The following MBD3L1 variants were observed in gnomAD, a reference collection of about 807,000 sequenced individuals.
MBD3L1 encodes methyl-CpG-binding domain protein 3-like 1.
For missense variants in MBD3L1, 203 were observed against 230.1 expected, an observed-to-expected ratio of 0.88 and a Z score of 0.76; for synonymous variants, 84 against 85.1, an observed-to-expected ratio of 0.99 and a Z score of 0.07.
At chr19:8,833,999 CAAAACAA>C (rs2145336346) in intron 1 of MBD3L1, among the ~76,000 whole-genome samples, 1 of 151,570 alleles carries the variant, frequency 6.6e-6, no homozygotes, top group Admixed American at 6.6e-5. Flanking sequence ...AAAAACAAAA[CAAAACAA>C]AAACCAAAAA....
intron 1 of MBD3L1, among the ~76,000 whole-genome samples, chr19:8,836,430 C>T (rs963102867): frequency 6.6e-6 from 1 of 150,438 alleles, no homozygotes; most frequent in African/African-American, 2.5e-5. Context: ...TTCTTCTTTC[C>T]TCCTCCTCCT....
chr19:8,839,807 AG>A (rs1486399518), intron 1 of MBD3L1, among the ~76,000 whole-genome samples: 1 of 152,082 alleles, frequency 6.6e-6, no homozygotes, highest in Non-Finnish European at 1.5e-5. Context: ...GTGGTGAAGG[AG>A]GGGGTCCCAG....
At chr19:8,833,016 T>C in intron 1 of MBD3L1, 1 of 151,626 alleles carries the variant, frequency 6.6e-6, no homozygotes, top group Admixed American at 6.6e-5. Flanking sequence ...CGGAGACCAG[T>C]TCTGGGGGCG....
Position 8,843,204 on chromosome 19 carries a change from G to A in MBD3L1, c.526G>A (p.Gly176Arg), listed in dbSNP as rs753010967. Residue 176 changes from glycine to arginine, a missense_variant, in exon 3 of 3, where the codon GGA (glycine) becomes AGA (arginine). By Grantham distance (125) the Gly-to-Arg change is moderately radical. Coordinates refer to ENST00000595891, the MANE Select transcript of MBD3L1 (RefSeq NM_001393532.1). Reference protein sequence around the residue: ...ERLAIALIADGLANEAEKVRD... With the variant: ...ERLAIALIADRLANEAEKVRD... ...ACTCGCAATAGCACTGATTGCGGATGGACTCGCTAATGAGGCAGAGAAAGT... is the reference window on the plus strand; with the variant it reads ...ACTCGCAATAGCACTGATTGCGGATAGACTCGCTAATGAGGCAGAGAAAGT... The A allele has an allele frequency of 1.9e-5, 31 of 1,611,990 alleles. No homozygotes were observed. Among genetic ancestry groups the A allele is most frequent in the Middle Eastern group, 3.3e-4 (2 of 6,040 alleles).
chr19:8,836,630 T>C (rs556119551), intron 1 of MBD3L1, among the ~76,000 whole-genome samples: 27 of 152,264 alleles, frequency 1.8e-4, no homozygotes, highest in African/African-American at 6.5e-4. Flanking sequence ...TAGCTGGGAC[T>C]GCAGGCGTGC....
intron 1 of MBD3L1, among the ~76,000 whole-genome samples, chr19:8,837,030 A>G (rs1599309353): frequency 1.3e-5 from 2 of 152,270 alleles, no homozygotes; most frequent in South Asian, 2.1e-4. Context: ...GCAAAGAGGC[A>G]TAAATTAAAA....
chr19:8,834,481 G>A (rs1310830154), intron 1 of MBD3L1, among the ~76,000 whole-genome samples: 4 of 151,730 alleles, frequency 2.6e-5, no homozygotes, highest in East Asian at 1.9e-4. Flanking sequence ...GGTGGCGGGC[G>A]CCTATAGTCC....
At position 8,843,218 on chromosome 19, in the gene MBD3L1, G is replaced by C. The variant is rs147103131; in HGVS notation, c.540G>C (p.Glu180Asp). ...IALIADGLAN[E>D]AEKVRDQEGR... Reference sequence around the variant, plus strand: ...TGATTGCGGATGGACTCGCTAATGAGGCAGAGAAAGTGAGAGACCAAGAAG... The same window carrying C: ...TGATTGCGGATGGACTCGCTAATGACGCAGAGAAAGTGAGAGACCAAGAAG... The change falls in exon 3 of 3, where the codon GAG (glutamate) becomes GAC (aspartate). Residue 180 changes from glutamate to aspartate, a missense_variant. Coordinates refer to ENST00000595891, the MANE Select transcript of MBD3L1 (RefSeq NM_001393532.1). 1.2e-6 allele frequency: 2 copies of C among 1,608,444 alleles called. No homozygotes were observed. Among genetic ancestry groups the C allele is most frequent in the African/African-American group, 2.7e-5 (2 of 74,722 alleles).
intron 1 of MBD3L1, among the ~76,000 whole-genome samples, chr19:8,834,866 T>C (rs1568482857): frequency 1.3e-5 from 2 of 152,092 alleles, no homozygotes; most frequent in Non-Finnish European, 2.9e-5. Flanking sequence ...AGAAAAAATA[T>C]ATAAATTGGA....
chr19:8,843,240 G>A lies in MBD3L1; in HGVS notation c.562G>A (p.Glu188Lys), dbSNP rs774842647. 1 of 1,593,100 alleles carries A rather than the reference G, an allele frequency of 6.3e-7. No homozygotes were observed. Among genetic ancestry groups the A allele is most frequent in the Non-Finnish European group, 8.5e-7 (1 of 1,170,794 alleles). ...ANEAEKVRDQ[E>K]GRPEKR ...TGAGGCAGAGAAAGTGAGAGACCAA[G>A]AAGGCCGTCCTGAAAAACGCTAAGA... The change falls in exon 3 of 3, where the codon GAA becomes AAA. Residue 188 changes from glutamate to lysine, a missense_variant. By Grantham distance (56) the Glu-to-Lys change is moderately conservative. Transcript: ENST00000595891.
chr19:8,840,085 G>A (rs2145353346), intron 1 of MBD3L1, among the ~76,000 whole-genome samples: 1 of 151,686 alleles, frequency 6.6e-6, no homozygotes, highest in Admixed American at 6.6e-5. Context: ...TTGGGAGGCT[G>A]AGGCAAGATA....
At position 8,842,654 on chromosome 19, in the gene MBD3L1, A is replaced by G; in HGVS notation, c.-21-4A>G. On this transcript the variant is annotated splice_region_variant and splice_polypyrimidine_tract_variant and intron_variant, in intron 2 of 2. Coordinates refer to ENST00000595891, the MANE Select transcript of MBD3L1 (RefSeq NM_001393532.1). ...TGACCCCATTTCATGATTTATTTTA[A>G]TAGTGTAAGAGGAAAAGAAGTGTGA... is the stretch of plus-strand genomic sequence containing the variant. The G allele has an allele frequency of 6.3e-7, 1 of 1,586,196 alleles. No homozygotes were observed. Among genetic ancestry groups the G allele is most frequent in the Non-Finnish European group, 8.6e-7 (1 of 1,159,822 alleles).
chr19:8,835,761 T>A (rs1373167977), intron 1 of MBD3L1, among the ~76,000 whole-genome samples: 5 of 152,226 alleles, frequency 3.3e-5, no homozygotes, highest in Non-Finnish European at 7.3e-5. Context: ...TAGCCCAAAA[T>A]TTTGTATGTC....
chr19:8,832,827 TTGTGACAGCCCTGGAGGTTGGGGCTGGC>T, intron 1 of MBD3L1, among the ~76,000 whole-genome samples: 1 of 150,556 alleles, frequency 6.6e-6, no homozygotes, highest in South Asian at 2.1e-4. Flanking sequence ...CAGGCTGTGG[TTGTGACAGCCCTGGAGGTTGGGGCTGGC>T]TGTGGGCGGA....
At chr19:8,841,318 C>G (rs1321346747) in intron 2 of MBD3L1, among the ~76,000 whole-genome samples, 1 of 151,788 alleles carries the variant, frequency 6.6e-6, no homozygotes, top group Non-Finnish European at 1.5e-5. Flanking sequence ...AGGCGTGGAG[C>G]CACCGTGCCC....
intron 2 of MBD3L1, among the ~76,000 whole-genome samples, chr19:8,842,318 CAAA>C (rs35231202): frequency 1.2e-3 from 136 of 114,170 alleles, no homozygotes; most frequent in African/African-American, 3.7e-3. Context: ...CGGAGTGGGA[CAAA>C]AAAAAAAAAA....
At chr19:8,840,874 T>C (rs1403153514) in intron 1 of MBD3L1, 41 bp from the exon 2 acceptor site, 3 of 152,178 alleles carry the variant, frequency 2.0e-5, no homozygotes, top group Admixed American at 1.3e-4. Context: ...GTATTTATAG[T>C]GGCACTAAGA....
intron 1 of MBD3L1, among the ~76,000 whole-genome samples, chr19:8,838,640 A>C (rs1349489402): frequency 1.3e-5 from 2 of 152,228 alleles, no homozygotes; most frequent in Non-Finnish European, 2.9e-5. Flanking sequence ...ATCAATGTAA[A>C]AATTATTGAG....
At chr19:8,838,671 T>C (rs2145349651) in intron 1 of MBD3L1, among the ~76,000 whole-genome samples, 2 of 152,330 alleles carry the variant, frequency 1.3e-5, no homozygotes. Flanking sequence ...TGCGACTGGC[T>C]GGGGCTGGCA....
Sources: allele counts gnomAD v4.1 joint callset (sites outside exome capture counted in the v4.1 genomes callset), GRCh38; gene constraint gnomAD v4.1.1; transcripts MANE v1.5; gene names NCBI Gene and HGNC (gene_info 2026-07-23, HGNC 2026-07-21).